The following TTBK1 variants were observed in gnomAD, a reference collection of about 807,000 sequenced individuals.
TTBK1 encodes the protein tau-tubulin kinase 1.
A neutral mutation model predicts 108.5 loss-of-function variants in TTBK1; 34 were observed. The observed-to-expected ratio is 0.31, with a 90% confidence interval of 0.24 to 0.42. TTBK1 has a LOEUF of 0.42. Among genes scored for constraint, TTBK1 ranks in the 10% least tolerant of loss-of-function variants. TTBK1 has a pLI of 1.00. For missense variants in TTBK1, 1,539 were observed against 1,826.0 expected (o/e 0.84, Z 2.86); for synonymous variants, 809 against 795.1 (o/e 1.02, Z -0.29).
intron 13 of TTBK1, chr6:43,270,127 G>T: frequency 7.3e-7 from 1 of 1,372,340 alleles, no homozygotes; most frequent in Non-Finnish European, 9.3e-7. Flanking sequence ...CCCACCCCAA[G>T]CAGAGTCTCC....
intron 13 of TTBK1, among the ~76,000 whole-genome samples, chr6:43,266,704 C>T (rs1246278816): frequency 6.6e-6 from 1 of 151,972 alleles, no homozygotes; most frequent in East Asian, 1.9e-4. Flanking sequence ...GCAACCTCCA[C>T]CTCCCAGGTT....
chr6:43,255,928 C>G, intron 9 of TTBK1, 72 bp downstream of exon 9: 4 of 1,581,428 alleles, frequency 2.5e-6, no homozygotes, highest in Non-Finnish European at 3.5e-6. Flanking sequence ...GCAGACCTCG[C>G]TCCTGCTGAG....
chr6:43,254,203 G>T (rs1484295237), intron 5 of TTBK1, among the ~76,000 whole-genome samples: 1 of 152,212 alleles, frequency 6.6e-6, no homozygotes, highest in African/African-American at 2.4e-5. Context: ...GCTGCCTTAG[G>T]CAGCCACACC....
chr6:43,254,650 C>T lies in TTBK1; in HGVS notation c.575C>T (p.Pro192Leu). The T allele has an allele frequency of 6.4e-7, 1 of 1,566,008 alleles. No individual in the cohort carries two copies. The highest frequency in any genetic ancestry group is 8.6e-7 in the Non-Finnish European group (1 of 1,158,076). ...ACCAACACCACGGGGGATGTGCGGC[C>T]CGTGAGTACCGTCGGGGCGGGGAGG... Reference protein sequence around the residue: ...QYTNTTGDVRPPRNVAGFRGT... With the variant: ...QYTNTTGDVRLPRNVAGFRGT... Residue 192 changes from proline to leucine, a missense_variant and splice_region_variant, in exon 6 of 15, where the codon CCC (proline) becomes CTC (leucine). By Grantham distance (98) the Pro-to-Leu change is moderately conservative (BLOSUM62 -3). Coordinates refer to ENST00000259750, the MANE Select transcript of TTBK1 (RefSeq NM_032538.3).
At position 43,263,074 on chromosome 6, in the gene TTBK1, G is replaced by A; in HGVS notation, c.1710G>A (p.Glu570=). 1 of 1,576,188 alleles carries A rather than the reference G, an allele frequency of 6.3e-7. No homozygotes were observed. The highest frequency in any genetic ancestry group is 8.6e-7 in the Non-Finnish European group (1 of 1,161,068). Residue 570 remains glutamate, a synonymous_variant, in exon 13 of 15, where the codon GAG becomes GAA. Transcript: ENST00000259750. The surrounding 1 kb of genome is among the most constrained non-coding windows in gnomAD (Gnocchi z 4.7). Reference sequence around the variant, plus strand: ...GCACATCGGGCACCACGGATGAGGAGCCCGAGGAGCTGCGGCCACTGCCCG... The same window carrying A: ...GCACATCGGGCACCACGGATGAGGAACCCGAGGAGCTGCGGCCACTGCCCG... ...EPSTSGTTDE[E]PEELRPLPEE...
At position 43,257,736 on chromosome 6, in the gene TTBK1, T is replaced by C. The variant is rs553192785; in HGVS notation, c.862-76T>C. On this transcript the variant is annotated intron_variant, in intron 9 of 14. Coordinates refer to ENST00000259750, the MANE Select transcript of TTBK1 (RefSeq NM_032538.3). This position sits in a 1 kb window ranked among gnomAD's most constrained non-coding sequence, Gnocchi z 4.5. Reference sequence around the variant, plus strand: ...GAAAGTCCCTGTCTTCCTCCTATGATCCCAGCAACTGCCCCTTCCTCCTGG... The same window carrying C: ...GAAAGTCCCTGTCTTCCTCCTATGACCCCAGCAACTGCCCCTTCCTCCTGG... The C allele has an allele frequency of 6.7e-7, 1 of 1,499,850 alleles. No individual in the cohort carries two copies. The highest frequency in any genetic ancestry group is 1.4e-5 in the African/African-American group (1 of 72,598). 92.9% of individuals were successfully genotyped at this position (1,499,850 alleles called of 1,614,324 possible).
At chr6:43,261,853 A>C (rs1777548950) in intron 12 of TTBK1, among the ~76,000 whole-genome samples, 1 of 151,378 alleles carries the variant, frequency 6.6e-6, no homozygotes, top group African/African-American at 2.4e-5. Flanking sequence ...GAGATGTCCC[A>C]AGGCAGGATC....
chr6:43,247,117 C>G (rs181213561), intron 2 of TTBK1, among the ~76,000 whole-genome samples: 1 of 151,252 alleles, frequency 6.6e-6, no homozygotes, highest in South Asian at 2.1e-4. Flanking sequence ...TCTGACGGAC[C>G]TTGGAGAAGG....
In TTBK1 at chr6:43,267,351, T is replaced by C. The variant is rs115573740; in HGVS notation, c.1986+4001T>C. 5.1e-3 allele frequency among the ~76,000 whole-genome samples: 781 copies of C among 152,222 alleles called. 9 individuals carry two copies. Among genetic ancestry groups the C allele is most frequent in the African/African-American group, 0.018 (742 of 41,536 alleles). On this transcript the variant is annotated intron_variant, in intron 13 of 14. Transcript: ENST00000259750. ...TGGCTGCTTCCTAGAATCACAGTTT[T>C]TGGGACTCTCCACCCACAGGCGGAG...
intron 13 of TTBK1, chr6:43,270,150 C>T: frequency 1.5e-6 from 2 of 1,365,422 alleles, no homozygotes; most frequent in Non-Finnish European, 1.9e-6. Context: ...CCCACCTCCC[C>T]ATCAGCTCCC....
chr6:43,256,001 T>C (rs1366135098), intron 9 of TTBK1, 145 bp downstream of exon 9: 5 of 958,034 alleles, frequency 5.2e-6, no homozygotes, highest in South Asian at 4.8e-5. Context: ...ACTAAAGGCA[T>C]GTATGCTCTT....
At position 43,275,055 on chromosome 6, in the gene TTBK1, A is replaced by ACGCACT. The variant is rs1250998103; in HGVS notation, c.1987-7670_1987-7665dup. ...CTTGGCCACTCACTAACCGGCCCTC[A>ACGCACT]CGCACTCACACTCACACCCACACTC... On this transcript the variant is annotated intron_variant, in intron 13 of 14. Coordinates refer to ENST00000259750, the MANE Select transcript of TTBK1 (RefSeq NM_032538.3). Among the ~76,000 whole-genome samples the ACGCACT allele has an allele frequency of 1.9e-3, 292 of 152,078 alleles. 1 individual carries two copies. The highest frequency in any genetic ancestry group is 3.5e-3 in the Non-Finnish European group (236 of 67,950).
chr6:43,254,663 C>G lies in TTBK1; in HGVS notation c.576+12C>G. On this transcript the variant is annotated intron_variant, in intron 6 of 14. Coordinates refer to ENST00000259750, the MANE Select transcript of TTBK1 (RefSeq NM_032538.3). ...GGGATGTGCGGCCCGTGAGTACCGT[C>G]GGGGCGGGGAGGACAGTGGAGGACT... 6 of 1,551,356 alleles carry G rather than the reference C, an allele frequency of 3.9e-6. No individual in the cohort carries two copies. The highest frequency in any genetic ancestry group is 4.3e-6 in the Non-Finnish European group (5 of 1,151,890).
intron 13 of TTBK1, among the ~76,000 whole-genome samples, chr6:43,277,808 G>GT (rs1491373719): frequency 6.6e-6 from 1 of 152,206 alleles, no homozygotes; most frequent in Admixed American, 6.5e-5. Flanking sequence ...GCTGACAGAG[G>GT]TGATGCAGGC....
rs1377514667 is a variant in TTBK1, at chr6:43,282,128, A to G, written c.1987-599A>G. ...CAGCCTGCACTTTTAAGGGTAGAGG[A>G]CAGCCCCGCCTTTGCCCTTGTCCAG... On this transcript the variant is annotated intron_variant, in intron 13 of 14. Coordinates refer to ENST00000259750, the MANE Select transcript of TTBK1 (RefSeq NM_032538.3). The surrounding 1 kb of genome is among the most constrained non-coding windows in gnomAD (Gnocchi z 5.4). 6.6e-6 allele frequency among the ~76,000 whole-genome samples: 1 copy of G among 152,164 alleles called. No individual in the cohort carries two copies. The highest frequency in any genetic ancestry group is 1.5e-5 in the Non-Finnish European group (1 of 68,024).
chr6:43,267,201 A>G (rs1777703853), intron 13 of TTBK1, among the ~76,000 whole-genome samples: 1 of 152,104 alleles, frequency 6.6e-6, no homozygotes. Context: ...TGAAGCAGAG[A>G]TCTTCCTTCA....
Position 43,283,428 on chromosome 6 carries a change from G to A in TTBK1, c.2688G>A (p.Lys896=). The A allele has an allele frequency of 6.2e-7, 1 of 1,613,382 alleles. No individual in the cohort carries two copies. Among genetic ancestry groups the A allele is most frequent in the South Asian group, 1.1e-5 (1 of 91,000 alleles). Residue 896 remains lysine, a synonymous_variant, in exon 14 of 15, where the codon AAG becomes AAA. Coordinates refer to ENST00000259750, the MANE Select transcript of TTBK1 (RefSeq NM_032538.3). This position sits in a 1 kb window ranked among gnomAD's most constrained non-coding sequence, Gnocchi z 8.1. ...CCTCTGTCCTCAAGTCTGAGCCCAAGCCCCCGGGGCCTGGGGCAGGGCTGG... is the reference window on the plus strand; with the variant it reads ...CCTCTGTCCTCAAGTCTGAGCCCAAACCCCCGGGGCCTGGGGCAGGGCTGG... ...TLSSVLKSEP[K]PPGPGAGLGA... is the part of the protein sequence containing the mutation.
intron 12 of TTBK1, among the ~76,000 whole-genome samples, chr6:43,262,500 G>A (rs921721752): frequency 4.6e-5 from 7 of 152,174 alleles, no homozygotes; most frequent in African/African-American, 7.2e-5. Context: ...ACAGAAACCC[G>A]AGTTTATTTT....
chr6:43,269,658 C>A lies in TTBK1; in HGVS notation c.1986+6308C>A. On this transcript the variant is annotated intron_variant, in intron 13 of 14. Coordinates refer to ENST00000259750, the MANE Select transcript of TTBK1 (RefSeq NM_032538.3). The surrounding 1 kb of genome is among the most constrained non-coding windows in gnomAD (Gnocchi z 4.8). ...TCTCTTTCAGTTGGAGGAGGACAGACTCTCGGGGCACTCCCTCCCGCGGTA... is the reference window on the plus strand; with the variant it reads ...TCTCTTTCAGTTGGAGGAGGACAGAATCTCGGGGCACTCCCTCCCGCGGTA... 1.2e-6 allele frequency: 2 copies of A among 1,611,232 alleles called. No homozygotes were observed. The highest frequency in any genetic ancestry group is 1.7e-6 in the Non-Finnish European group (2 of 1,179,302).
Sources: gnomAD v4.1 joint callset for allele counts (sites outside exome capture counted in the v4.1 genomes callset) on GRCh38, gnomAD v4.1.1 for gene constraint, Gnocchi (gnomAD v3.1) non-coding constraint, MANE v1.5 for transcripts, NCBI Gene and HGNC (gene_info 2026-07-23, HGNC 2026-07-21) for gene names.